MYO5C: variants seen among roughly 807,000 people sequenced by gnomAD.
MYO5C encodes unconventional myosin-Vc.
Under a neutral mutation model 235.7 loss-of-function variants are expected in MYO5C, and 194 were observed. That is an observed-to-expected ratio of 0.82 (90% CI 0.73 to 0.93). The LOEUF is 0.93. Ranked by LOEUF, MYO5C falls within the 40% of genes least tolerant of loss-of-function variation. MYO5C has a pLI of 0.00. For synonymous variants in MYO5C, 707 were observed against 754.8 expected (o/e 0.94, Z 1.04); for missense variants, 2,038 against 2,127.2 (o/e 0.96, Z 0.82).
intron 23 of MYO5C, 37 bp downstream of exon 23, chr15:52,235,633 T>C: frequency 6.6e-7 from 1 of 1,515,632 alleles, no homozygotes; most frequent in Non-Finnish European, 9.1e-7. Flanking sequence ...AGTGACTAAA[T>C]CAGTGAATGT....
At chr15:52,258,715 T>C (rs2036630767) in intron 10 of MYO5C, among the ~76,000 whole-genome samples, 1 of 152,204 alleles carries the variant, frequency 6.6e-6, no homozygotes. Context: ...GCTGATTTTT[T>C]TGGAGGCGTA....
chr15:52,222,269 A>G (rs939062227), intron 29 of MYO5C, among the ~76,000 whole-genome samples: 2 of 152,224 alleles, frequency 1.3e-5, no homozygotes, highest in Admixed American at 1.3e-4. Context: ...GTCTCACTGC[A>G]AATTCCTCAT....
chr15:52,267,720 T>C (rs1012473119), intron 8 of MYO5C, among the ~76,000 whole-genome samples: 4 of 152,216 alleles, frequency 2.6e-5, no homozygotes, highest in Non-Finnish European at 4.4e-5. Context: ...TGGGTAACCT[T>C]AGATTCATAC....
At position 52,237,469 on chromosome 15, in the gene MYO5C, G is replaced by A. The variant is rs771412222; in HGVS notation, c.2868+13C>T. 5.0e-5 allele frequency: 80 copies of A among 1,611,208 alleles called. 2 individuals are homozygous for A. The South Asian group carries it at 6.5e-4, about 13-fold the overall frequency. On this transcript the variant is annotated intron_variant, in intron 22 of 40. Coordinates refer to ENST00000261839, the MANE Select transcript of MYO5C (RefSeq NM_018728.4). ...CGCATATTTCCATCCCGTCTCACAC[G>A]CCCGCAGCTGACCTCTTCCACAGCA...
At chr15:52,280,055 G>A (rs1227216337) in intron 2 of MYO5C, among the ~76,000 whole-genome samples, 1 of 152,162 alleles carries the variant, frequency 6.6e-6, no homozygotes, top group Non-Finnish European at 1.5e-5. Flanking sequence ...CTACCTATAT[G>A]TGGTTTAAAT....
chr15:52,216,863 C>T (rs1215908971), intron 32 of MYO5C, among the ~76,000 whole-genome samples: 1 of 152,112 alleles, frequency 6.6e-6, no homozygotes, highest in Non-Finnish European at 1.5e-5. Context: ...TGGAAAAGAA[C>T]ACAGAGACAG....
At chr15:52,251,351 T>C in intron 13 of MYO5C, 39 bp downstream of exon 13, 1 of 1,558,900 alleles carries the variant, frequency 6.4e-7, no homozygotes, top group South Asian at 1.2e-5. Flanking sequence ...GCTGTACAGG[T>C]TCCGGGGTTG....
intron 17 of MYO5C, 83 bp from the exon 18 acceptor site, chr15:52,245,548 G>T: frequency 1.1e-6 from 1 of 929,512 alleles, no homozygotes; most frequent in Non-Finnish European, 1.8e-6. Context: ...ACCTGCCACT[G>T]TTGTCATAGG....
rs1481869380 is a variant in MYO5C, at chr15:52,251,394, T to C, written c.1658A>G (p.Asp553Gly). Residue 553 changes from aspartate (D) to glycine (G), a missense_variant, in exon 13 of 41, where the codon GAT (aspartate) becomes GGT (glycine). By Grantham distance (94) the Asp-to-Gly change is moderately conservative. Transcript: ENST00000261839. ...NTSFVIQHFA[D>G]KVEYKCEGFL... is the part of the protein sequence containing the mutation. ...TGATGGAGACCTTCACGGTACCTTATCAGCAAAGTGCTGGATGACAAAGGA... is the reference window on the plus strand; with the variant it reads ...TGATGGAGACCTTCACGGTACCTTACCAGCAAAGTGCTGGATGACAAAGGA... The C allele has an allele frequency of 6.3e-7, 1 of 1,596,136 alleles. No individual in the cohort carries two copies. The highest frequency in any genetic ancestry group is 8.5e-7 in the Non-Finnish European group (1 of 1,169,800).
chr15:52,276,585 G>T (rs1004658007), intron 4 of MYO5C, among the ~76,000 whole-genome samples: 1 of 152,286 alleles, frequency 6.6e-6, no homozygotes, highest in Admixed American at 6.5e-5. Flanking sequence ...ACCAAGAAAT[G>T]TCAGGAACCG....
intron 9 of MYO5C, among the ~76,000 whole-genome samples, chr15:52,262,723 T>C (rs534172913): frequency 1.3e-5 from 2 of 152,222 alleles, no homozygotes; most frequent in Non-Finnish European, 2.9e-5. Flanking sequence ...CACTCAGCTC[T>C]GCTCTCTCCC....
chr15:52,214,651 T>C lies in MYO5C; in HGVS notation c.3994A>G (p.Lys1332Glu). The C allele has an allele frequency of 3.1e-6, 5 of 1,609,878 alleles. No individual in the cohort carries two copies. Among genetic ancestry groups the C allele is most frequent in the Non-Finnish European group, 4.2e-6 (5 of 1,177,772 alleles). ...GTCTTGACTTGATCTTGTAGCTTTT[T>C]AATCACTCTGTCTTTCATGTCTAAT... Reference protein sequence around the residue: ...EELDMKDRVIKKLQDQVKTLS... With the variant: ...EELDMKDRVIEKLQDQVKTLS... Residue 1332 changes from lysine to glutamate, a missense_variant, in exon 33 of 41, where the codon AAA becomes GAA. Transcript: ENST00000261839.
chr15:52,250,732 C>T lies in MYO5C; in HGVS notation c.1662+658G>A, dbSNP rs144392085. ...TGTGAGCCCTGGCACTGGGCTAGGC[C>T]ACCAAGGCAACACCCAACCAGGACA... On this transcript the variant is annotated intron_variant, in intron 13 of 40. Transcript: ENST00000261839. Among the ~76,000 whole-genome samples the T allele has an allele frequency of 5.2e-3, 787 of 152,278 alleles. 5 individuals are homozygous for T. Among genetic ancestry groups the T allele is most frequent in the African/African-American group, 0.018 (750 of 41,552 alleles).
intron 4 of MYO5C, 80 bp from the exon 5 acceptor site, chr15:52,275,798 A>G (rs945457329): frequency 1.1e-5 from 15 of 1,353,740 alleles, no homozygotes; most frequent in Non-Finnish European, 1.5e-5. Flanking sequence ...AAATGTGGAC[A>G]AGACAAAAGA....
At chr15:52,198,994 C>T (rs551105027) in intron 38 of MYO5C, among the ~76,000 whole-genome samples, 48 of 151,950 alleles carry the variant, frequency 3.2e-4, no homozygotes, top group South Asian at 8.3e-4. Context: ...CCCTGGTTGA[C>T]GCCATTCTCC....
chr15:52,235,641 T>G (rs1205474975), intron 23 of MYO5C, 29 bp downstream of exon 23: 6 of 1,540,022 alleles, frequency 3.9e-6, no homozygotes, highest in Non-Finnish European at 4.5e-6. Flanking sequence ...AATCAGTGAA[T>G]GTCTGGATTT....
At chr15:52,198,870 G>A (rs528814007) in intron 38 of MYO5C, among the ~76,000 whole-genome samples, 18 of 147,084 alleles carry the variant, frequency 1.2e-4, no homozygotes, top group African/African-American at 3.0e-4. Flanking sequence ...GTGAGCCACC[G>A]CGCCTGGCCT....
At position 52,272,576 on chromosome 15, in the gene MYO5C, T is replaced by C; in HGVS notation, c.750+4A>G. Reference sequence around the variant, plus strand: ...AGTTGGGGAAAAGGAAATTTAATACTTACTTGAAAGACAACTCTGGATTTC... The same window carrying C: ...AGTTGGGGAAAAGGAAATTTAATACCTACTTGAAAGACAACTCTGGATTTC... On this transcript the variant is annotated splice_donor_region_variant and intron_variant, in intron 6 of 40. Coordinates refer to ENST00000261839, the MANE Select transcript of MYO5C (RefSeq NM_018728.4). 1 of 1,609,642 alleles carries C rather than the reference T, an allele frequency of 6.2e-7. No individual in the cohort carries two copies. Among genetic ancestry groups the C allele is most frequent in the Non-Finnish European group, 8.5e-7 (1 of 1,178,504 alleles).
Position 52,295,745 on chromosome 15 carries a change from C to A in MYO5C, c.-109G>T. The A allele has an allele frequency of 1.3e-6, 1 of 748,540 alleles. No homozygotes were observed. The highest frequency in any genetic ancestry group is 1.9e-6 in the Non-Finnish European group (1 of 522,710). 46.4% of individuals were successfully genotyped at this position (748,540 alleles called of 1,614,324 possible). On this transcript the variant is annotated 5_prime_UTR_variant, in exon 1 of 41. Transcript: ENST00000261839. ...GGAGAGACCGCCGCGGAAATCACCG[C>A]CGGGCCATCTTGCCCAAAGTTTTCC...
Sources: allele counts gnomAD v4.1 joint callset (sites outside exome capture counted in the v4.1 genomes callset), GRCh38; gene constraint gnomAD v4.1.1; transcripts MANE v1.5; gene names NCBI Gene and HGNC (gene_info 2026-07-23, HGNC 2026-07-21).